Variants in CARMIL1 observed in about 807,000 individuals in gnomAD.
CARMIL1 encodes F-actin-uncapping protein LRRC16A.
In CARMIL1, 90 loss-of-function variants were observed where a neutral mutation model predicts 177.1. The ratio of observed to expected loss-of-function variants is 0.51; its 90% confidence interval spans 0.43 to 0.61. The LOEUF (loss-of-function observed/expected upper bound fraction) is 0.61, where lower values mean the gene tolerates loss of function less well. CARMIL1 is among the 20% of genes least tolerant of loss of function. The probability of loss-of-function intolerance (pLI) is 0.00; values close to 1 mark genes in which losing one functional copy is unlikely to be tolerated. For missense variants in CARMIL1, 1,380 were observed against 1,667.0 expected (o/e 0.83, Z 3.00); for synonymous variants, 577 against 606.2 (o/e 0.95, Z 0.71).
chr6:25,594,938 C>T (rs1250569586), intron 32 of CARMIL1, among the ~76,000 whole-genome samples: 1 of 152,188 alleles, frequency 6.6e-6, no homozygotes, highest in Non-Finnish European at 1.5e-5. Flanking sequence ...GCTGGAATTA[C>T]TTACTTTGAG....
In CARMIL1 at chr6:25,581,229, G is replaced by A; in HGVS notation, c.2810-14G>A. On this transcript the variant is annotated splice_polypyrimidine_tract_variant and intron_variant, in intron 30 of 36. Transcript: ENST00000329474. ...CCTTGGGCTGTTTTTTTGTTTTTTT[G>A]TTTTTAATTTTAGAAATGGAGTTTG... 1.3e-6 allele frequency: 2 copies of A among 1,595,992 alleles called. No individual in the cohort carries two copies. The highest frequency in any genetic ancestry group is 1.7e-6 in the Non-Finnish European group (2 of 1,175,080).
At chr6:25,313,160 C>G (rs1783972719) in intron 2 of CARMIL1, among the ~76,000 whole-genome samples, 1 of 151,950 alleles carries the variant, frequency 6.6e-6, no homozygotes, top group African/African-American at 2.4e-5. Context: ...AAAAATTTTC[C>G]CCACATAGTA....
intron 2 of CARMIL1, among the ~76,000 whole-genome samples, chr6:25,324,551 C>T (rs1277050559): frequency 6.6e-6 from 1 of 152,118 alleles, no homozygotes; most frequent in East Asian, 1.9e-4. Context: ...ATGGCTTTTC[C>T]TCTCATATTG....
At chr6:25,349,725 A>ATTTTT (rs67971403) in intron 2 of CARMIL1, among the ~76,000 whole-genome samples, 1 of 93,538 alleles carries the variant, frequency 1.1e-5, no homozygotes. Context: ...CAGTCCCCTC[A>ATTTTT]TTTTTTTTTT....
At chr6:25,336,613 T>A (rs1786265582) in intron 2 of CARMIL1, among the ~76,000 whole-genome samples, 1 of 152,228 alleles carries the variant, frequency 6.6e-6, no homozygotes, top group Non-Finnish European at 1.5e-5. Context: ...AAAGTGCACA[T>A]ACGAACATCC....
At chr6:25,581,137 C>A in intron 30 of CARMIL1, 106 bp from the exon 31 acceptor site, 1 of 1,279,408 alleles carries the variant, frequency 7.8e-7, no homozygotes, top group Admixed American at 2.3e-5. Context: ...TGTGTGTTTG[C>A]TATTCTATGC....
At chr6:25,492,442 G>A (rs1349749379) in intron 15 of CARMIL1, among the ~76,000 whole-genome samples, 1 of 152,174 alleles carries the variant, frequency 6.6e-6, no homozygotes, top group East Asian at 1.9e-4. Context: ...GGGCCAGTCT[G>A]ACTACTTCAC....
chr6:25,279,976 G>C, intron 1 of CARMIL1, 141 bp downstream of exon 1: 1 of 982,422 alleles, frequency 1.0e-6, no homozygotes, highest in Non-Finnish European at 1.6e-6. Flanking sequence ...AGGGTCACTG[G>C]GGGTGCCGGG....
At position 25,472,460 on chromosome 6, in the gene CARMIL1, A is replaced by C; in HGVS notation, c.813A>C (p.Ala271=). ...DFAQKLASAL[A]HNPNSGLHTI... is the part of the protein sequence containing the mutation. ...CACAAAAACTGGCCAGTGCTCTAGC[A>C]CATAATCCCAACTCAGGACTCCACA... The change falls in exon 11 of 37, where the codon GCA becomes GCC. Residue 271 remains alanine, a synonymous_variant. Transcript: ENST00000329474. 1 of 1,582,414 alleles carries C rather than the reference A, an allele frequency of 6.3e-7. No homozygotes were observed. The highest frequency in any genetic ancestry group is 8.6e-7 in the Non-Finnish European group (1 of 1,163,400).
chr6:25,491,888 T>A, intron 14 of CARMIL1, 60 bp from the exon 15 acceptor site: 1 of 1,566,856 alleles, frequency 6.4e-7, no homozygotes, highest in Non-Finnish European at 8.8e-7. Context: ...GGACCTCTAA[T>A]AAAAGATTCT....
intron 8 of CARMIL1, chr6:25,451,986 G>GCCCCCCACCCCCC: frequency 8.9e-6 from 1 of 112,672 alleles, no homozygotes; most frequent in Non-Finnish European, 1.7e-5. Flanking sequence ...CTAGCATCTT[G>GCCCCCCACCCCCC]CCCCCCCCTC....
intron 5 of CARMIL1, among the ~76,000 whole-genome samples, chr6:25,447,263 A>G (rs1028794966): frequency 1.4e-4 from 21 of 152,262 alleles, no homozygotes; most frequent in African/African-American, 5.1e-4. Context: ...AAAACTTACA[A>G]AGAAGTAGGA....
chr6:25,321,667 A>T (rs980066431), intron 2 of CARMIL1, among the ~76,000 whole-genome samples: 3 of 148,150 alleles, frequency 2.0e-5, no homozygotes, highest in Non-Finnish European at 4.5e-5. Context: ...ATTTAATTTA[A>T]TTTTTTTTTT....
Position 25,389,074 on chromosome 6 carries a change from C to T in CARMIL1, c.139-31040C>T, listed in dbSNP as rs540801551. ...TACTGATGGGGATTTCCTGCCTCCA[C>T]TACTAGAGAAACCCACATTTCCATG... is the stretch of plus-strand genomic sequence containing the variant. On this transcript the variant is annotated intron_variant, in intron 2 of 36. Transcript: ENST00000329474. 278 of 152,378 alleles carry T rather than the reference C, an allele frequency of 1.8e-3. 1 individual carries two copies. Among genetic ancestry groups the T allele is most frequent in the Middle Eastern group, 3.4e-3 (1 of 296 alleles). 9.4% of individuals were successfully genotyped at this position (152,378 alleles called of 1,614,324 possible).
rs1798976211 is a variant in CARMIL1 at position 25,451,986 on chromosome 6, G to GCCCAC, written c.614+1278_614+1279insACCCC. The GCCCAC allele has an allele frequency of 2.6e-5, 3 of 117,184 alleles. 1 individual carries two copies. Among genetic ancestry groups the GCCCAC allele is most frequent in the South Asian group, 1.4e-4 (2 of 14,090 alleles). The allele number at this position is 117,184 out of a possible 1,614,324, so 7.3% of individuals were successfully genotyped here. A position where few individuals can be genotyped will look rare whatever the true frequency, so the allele number is the denominator to read the frequency against. On this transcript the variant is annotated intron_variant, in intron 8 of 36. Transcript: ENST00000329474. ...TATGTCATCTCATCACTAGCATCTT[G>GCCCAC]CCCCCCCCTCCCCCCCCCAGAATAC...
At chr6:25,452,175 C>T in intron 8 of CARMIL1, 1 of 764,908 alleles carries the variant, frequency 1.3e-6, no homozygotes, top group Non-Finnish European at 2.4e-6. Flanking sequence ...GCAGGCTCAG[C>T]TGTGTCTGTA....
At chr6:25,524,621 AAG>A (rs915779618) in intron 23 of CARMIL1, among the ~76,000 whole-genome samples, 2 of 152,192 alleles carry the variant, frequency 1.3e-5, no homozygotes, top group African/African-American at 4.8e-5. Context: ...CACAGTGTGA[AAG>A]AGAGAAAACA....
At chr6:25,355,423 G>C (rs1307936103) in intron 2 of CARMIL1, among the ~76,000 whole-genome samples, 1 of 152,112 alleles carries the variant, frequency 6.6e-6, no homozygotes, top group African/African-American at 2.4e-5. Context: ...CTGGAGGATC[G>C]CTTTAGGCCA....
chr6:25,317,387 C>G (rs1441620710), intron 2 of CARMIL1, among the ~76,000 whole-genome samples: 2 of 152,092 alleles, frequency 1.3e-5, no homozygotes, highest in Non-Finnish European at 2.9e-5. Context: ...CTGCCTTGAC[C>G]TCCCAAAGTC....
Sources: allele counts gnomAD v4.1 joint callset (sites outside exome capture counted in the v4.1 genomes callset), GRCh38; gene constraint gnomAD v4.1.1; transcripts MANE v1.5; gene names NCBI Gene and HGNC (gene_info 2026-07-23, HGNC 2026-07-21).